Variants in ROR1 observed in about 807,000 individuals in gnomAD.
ROR1 encodes inactive tyrosine-protein kinase transmembrane receptor ROR1.
ROR1 carries 19 observed loss-of-function variants against 78.8 expected under a neutral mutation model. That is an observed-to-expected ratio of 0.24 (90% CI 0.17 to 0.35). The LOEUF (loss-of-function observed/expected upper bound fraction) is 0.35, where lower values mean the gene tolerates loss of function less well. ROR1 is among the 10% of genes least tolerant of loss of function. The pLI, the probability that ROR1 is intolerant of heterozygous loss-of-function variation, is 1.00. For synonymous variants in ROR1, 386 were observed against 433.6 expected, an observed-to-expected ratio of 0.89 and a Z score of 1.36; for missense variants, 917 against 1,177.8, an observed-to-expected ratio of 0.78 and a Z score of 3.24.
chr1:64,001,765 T>C (rs1206148351), intron 1 of ROR1, among the ~76,000 whole-genome samples: 2 of 152,176 alleles, frequency 1.3e-5, no homozygotes, highest in Non-Finnish European at 2.9e-5. Context: ...CAGATTTCGC[T>C]CTGGCCTAGG....
intron 1 of ROR1, among the ~76,000 whole-genome samples, chr1:63,873,187 C>G (rs1336340969): frequency 6.6e-6 from 1 of 152,108 alleles, no homozygotes; most frequent in Admixed American, 6.6e-5. Context: ...CTGGAGTCAT[C>G]AAGGCTACAT....
chr1:64,017,443 A>T (rs919790614), intron 2 of ROR1, among the ~76,000 whole-genome samples: 1 of 152,128 alleles, frequency 6.6e-6, no homozygotes, highest in African/African-American at 2.4e-5. Context: ...CATTGGCAAG[A>T]TGAGGGATAT....
intron 1 of ROR1, among the ~76,000 whole-genome samples, chr1:63,929,605 G>C (rs1645734721): frequency 6.6e-6 from 1 of 152,160 alleles, no homozygotes; most frequent in African/African-American, 2.4e-5. Context: ...TCTAGTACTT[G>C]GGGATGCAGT....
chr1:64,122,560 C>T (rs948607635), intron 4 of ROR1, among the ~76,000 whole-genome samples: 1 of 152,110 alleles, frequency 6.6e-6, no homozygotes, highest in South Asian at 2.1e-4. Flanking sequence ...CTGCTGTGGC[C>T]CCAAGAGTGG....
At chr1:63,839,697 T>G (rs1317289962) in intron 1 of ROR1, among the ~76,000 whole-genome samples, 1 of 152,156 alleles carries the variant, frequency 6.6e-6, no homozygotes. Context: ...GCATACATTT[T>G]TATCCATAAA....
At chr1:63,926,605 G>A (rs1206676585) in intron 1 of ROR1, among the ~76,000 whole-genome samples, 1 of 99,216 alleles carries the variant, frequency 1.0e-5, no homozygotes, top group African/African-American at 3.2e-5. Flanking sequence ...TGGGCAGTAT[G>A]GCCATTTTCA....
At chr1:63,992,545 G>A (rs1646304776) in intron 1 of ROR1, among the ~76,000 whole-genome samples, 2 of 152,158 alleles carry the variant, frequency 1.3e-5, no homozygotes, top group Admixed American at 6.5e-5. Flanking sequence ...CAGGGTATTT[G>A]TGCTTAAAGA....
chr1:63,907,129 C>T (rs1235117173), intron 1 of ROR1, among the ~76,000 whole-genome samples: 1 of 152,214 alleles, frequency 6.6e-6, no homozygotes, highest in African/African-American at 2.4e-5. Context: ...CTTTCGCCCC[C>T]AGATACTTTG....
intron 4 of ROR1, among the ~76,000 whole-genome samples, chr1:64,134,805 G>T (rs956836797): frequency 1.4e-5 from 2 of 147,926 alleles, no homozygotes; most frequent in East Asian, 4.0e-4. Flanking sequence ...CTGGAGTGAA[G>T]TGGCATGATC....
intron 1 of ROR1, among the ~76,000 whole-genome samples, chr1:63,875,341 T>G (rs933401522): frequency 1.3e-5 from 2 of 152,166 alleles, no homozygotes; most frequent in Non-Finnish European, 2.9e-5. Context: ...GTGCAGTTAG[T>G]TTTTTCAGCA....
At chr1:63,861,187 C>T (rs1047316260) in intron 1 of ROR1, among the ~76,000 whole-genome samples, 8 of 152,160 alleles carry the variant, frequency 5.3e-5, no homozygotes, top group African/African-American at 1.9e-4. Context: ...AAACTTCGAT[C>T]CTTCTCCACC....
intron 2 of ROR1, 111 bp from the exon 3 acceptor site, chr1:64,049,580 C>T: frequency 1.1e-6 from 1 of 927,728 alleles, no homozygotes; most frequent in South Asian, 1.6e-5. Flanking sequence ...TCACCTGCCT[C>T]TCCTGCTCAG....
intron 1 of ROR1, among the ~76,000 whole-genome samples, chr1:63,980,229 T>G (rs1646198913): frequency 6.6e-6 from 1 of 152,060 alleles, no homozygotes; most frequent in African/African-American, 2.4e-5. Flanking sequence ...TGCTGCCAGA[T>G]TGGAGGAATT....
At chr1:64,132,982 C>T (rs1557667446) in intron 4 of ROR1, among the ~76,000 whole-genome samples, 1 of 152,014 alleles carries the variant, frequency 6.6e-6, no homozygotes, top group Non-Finnish European at 1.5e-5. Flanking sequence ...ATAGTCTCCT[C>T]ATCTCTTCTA....
chr1:63,916,056 TC>T (rs1645606971), intron 1 of ROR1, among the ~76,000 whole-genome samples: 1 of 152,192 alleles, frequency 6.6e-6, no homozygotes, highest in Non-Finnish European at 1.5e-5. Context: ...ATACTTGACC[TC>T]CAGAACATGC....
chr1:63,815,125 G>A (rs972819713), intron 1 of ROR1, among the ~76,000 whole-genome samples: 2 of 152,132 alleles, frequency 1.3e-5, no homozygotes, highest in African/African-American at 4.8e-5. Flanking sequence ...ATGATTTGTG[G>A]TTGGTCTTTT....
At chr1:64,163,551 G>C (rs1650006651) in intron 8 of ROR1, among the ~76,000 whole-genome samples, 1 of 152,136 alleles carries the variant, frequency 6.6e-6, no homozygotes, top group Admixed American at 6.5e-5. Context: ...CTGATGTAAG[G>C]AACATCGCAG....
intron 7 of ROR1, among the ~76,000 whole-genome samples, chr1:64,148,070 TAAC>T (rs1364747908): frequency 3.3e-5 from 5 of 152,202 alleles, no homozygotes; most frequent in Non-Finnish European, 7.4e-5. Context: ...AACTATAGAA[TAAC>T]AATAATATTC....
intron 1 of ROR1, among the ~76,000 whole-genome samples, chr1:63,778,917 T>C (rs1473118386): frequency 6.6e-6 from 1 of 152,250 alleles, no homozygotes; most frequent in Non-Finnish European, 1.5e-5. Flanking sequence ...TTACAATTTA[T>C]ATTCTTTTAA....
Sources: gnomAD v4.1 joint callset for allele counts (sites outside exome capture counted in the v4.1 genomes callset) on GRCh38, gnomAD v4.1.1 for gene constraint, MANE v1.5 for transcripts, NCBI Gene and HGNC (gene_info 2026-07-23, HGNC 2026-07-21) for gene names.